Variants in RAPGEF6 observed in about 807,000 individuals in gnomAD.
RAPGEF6 encodes PDZ domain containing guanine nucleotide exchange factor (GEF) 2.
Under a neutral mutation model 171.4 loss-of-function variants are expected in RAPGEF6, and 56 were observed. That is an observed-to-expected ratio of 0.33 (90% CI 0.26 to 0.41). The LOEUF (loss-of-function observed/expected upper bound fraction) is 0.41, where lower values mean the gene tolerates loss of function less well. Ranked by LOEUF, RAPGEF6 falls within the 10% of genes least tolerant of loss-of-function variation. The probability of loss-of-function intolerance (pLI) is 1.00; values close to 1 mark genes in which losing one functional copy is unlikely to be tolerated. For missense variants in RAPGEF6, 1,674 were observed against 1,921.4 expected, an observed-to-expected ratio of 0.87 and a Z score of 2.41; for synonymous variants, 692 against 650.1, an observed-to-expected ratio of 1.06 and a Z score of -0.98.
At chr5:131,517,282 T>C (rs1561528968) in intron 7 of RAPGEF6, among the ~76,000 whole-genome samples, 8 of 152,086 alleles carry the variant, frequency 5.3e-5, no homozygotes, top group Admixed American at 5.2e-4. Flanking sequence ...GTTGAAATTA[T>C]TTTTAAAAAT....
intron 6 of RAPGEF6, among the ~76,000 whole-genome samples, chr5:131,543,617 A>G (rs1347612601): frequency 6.6e-6 from 1 of 152,214 alleles, no homozygotes; most frequent in Admixed American, 6.5e-5. Context: ...TAAGACAGGC[A>G]AACCCGGTAT....
At chr5:131,568,586 T>C (rs942517596) in intron 4 of RAPGEF6, among the ~76,000 whole-genome samples, 3 of 152,160 alleles carry the variant, frequency 2.0e-5, no homozygotes, top group African/African-American at 7.2e-5. Flanking sequence ...CTCAAACCAC[T>C]GGTATTACAG....
At chr5:131,486,933 C>T (rs1755933774) in intron 15 of RAPGEF6, among the ~76,000 whole-genome samples, 1 of 152,094 alleles carries the variant, frequency 6.6e-6, no homozygotes. Context: ...CTCTACCACA[C>T]CCTCTCAATG....
At chr5:131,496,115 G>A (rs1333414296) in intron 12 of RAPGEF6, among the ~76,000 whole-genome samples, 1 of 152,180 alleles carries the variant, frequency 6.6e-6, no homozygotes, top group Non-Finnish European at 1.5e-5. Context: ...CTGAAGCAAG[G>A]AGGATCCCTT....
At chr5:131,458,804 C>T (rs920471002) in intron 19 of RAPGEF6, among the ~76,000 whole-genome samples, 1 of 152,118 alleles carries the variant, frequency 6.6e-6, no homozygotes, top group African/African-American at 2.4e-5. Flanking sequence ...CAAGCATGTG[C>T]CACCATACCT....
intron 7 of RAPGEF6, among the ~76,000 whole-genome samples, chr5:131,518,446 G>T (rs146217992): frequency 0.018 from 2,760 of 149,466 alleles, 87 homozygotes; most frequent in African/African-American, 0.064. Flanking sequence ...TGCCCAGGCT[G>T]GAGTGCAATG....
At chr5:131,477,555 A>C (rs1003092196) in intron 16 of RAPGEF6, among the ~76,000 whole-genome samples, 5 of 152,138 alleles carry the variant, frequency 3.3e-5, no homozygotes, top group Admixed American at 6.5e-5. Flanking sequence ...TCAGTTTTAC[A>C]CCTCTTGCTG....
intron 18 of RAPGEF6, among the ~76,000 whole-genome samples, chr5:131,462,556 GAAGC>G (rs1754009136): frequency 6.6e-6 from 1 of 152,184 alleles, no homozygotes; most frequent in South Asian, 2.1e-4. Context: ...ATTTCCAAGT[GAAGC>G]AAGAGGAATG....
chr5:131,576,361 G>A (rs781108464), intron 4 of RAPGEF6, among the ~76,000 whole-genome samples: 1 of 152,050 alleles, frequency 6.6e-6, no homozygotes, highest in Non-Finnish European at 1.5e-5. Context: ...CTTTAACCCG[G>A]GCTCTCACCC....
intron 9 of RAPGEF6, 130 bp downstream of exon 9, chr5:131,507,941 G>T: frequency 1.2e-6 from 1 of 849,112 alleles, no homozygotes; most frequent in Non-Finnish European, 1.7e-6. Flanking sequence ...ACTCAAACTT[G>T]GCATTTATTT....
chr5:131,633,838 T>A (rs1766465525), intron 1 of RAPGEF6, among the ~76,000 whole-genome samples: 1 of 152,248 alleles, frequency 6.6e-6, no homozygotes, highest in South Asian at 2.1e-4. Context: ...ATAATTCGCC[T>A]ACTGAAATTC....
intron 14 of RAPGEF6, among the ~76,000 whole-genome samples, chr5:131,491,302 C>T (rs1270405088): frequency 6.6e-6 from 1 of 152,180 alleles, no homozygotes; most frequent in Non-Finnish European, 1.5e-5. Context: ...TATCTGCAGA[C>T]ATTGCCACTA....
chr5:131,568,287 A>G (rs1456653339), intron 4 of RAPGEF6, among the ~76,000 whole-genome samples: 4 of 151,184 alleles, frequency 2.6e-5, no homozygotes, highest in African/African-American at 9.7e-5. Context: ...ATTTTTGTTT[A>G]GTATCCCATT....
intron 13 of RAPGEF6, among the ~76,000 whole-genome samples, chr5:131,493,213 C>T (rs31255): frequency 0.57 from 86,490 of 151,794 alleles, 29,020 homozygotes; most frequent in Non-Finnish European, 0.76. Flanking sequence ...TACAGGCGCC[C>T]GCCACCATGC....
chr5:131,523,039 T>C (rs1010108159), intron 6 of RAPGEF6, among the ~76,000 whole-genome samples: 2 of 152,086 alleles, frequency 1.3e-5, no homozygotes, highest in Non-Finnish European at 2.9e-5. Flanking sequence ...TTTTCACATA[T>C]ACAACATCCA....
intron 3 of RAPGEF6, among the ~76,000 whole-genome samples, chr5:131,601,385 C>CAA (rs758602740): frequency 1.5e-4 from 8 of 54,174 alleles, no homozygotes; most frequent in Non-Finnish European, 2.3e-4. Context: ...GACTCCGTCT[C>CAA]AAAAAAAAAA....
chr5:131,563,030 C>T (rs749038106), intron 4 of RAPGEF6, among the ~76,000 whole-genome samples: 6 of 151,042 alleles, frequency 4.0e-5, no homozygotes, highest in Non-Finnish European at 5.9e-5. Context: ...GATAGGTTTC[C>T]ATTTTAAAAG....
chr5:131,571,349 G>A (rs1482147131), intron 4 of RAPGEF6, among the ~76,000 whole-genome samples: 1 of 152,008 alleles, frequency 6.6e-6, no homozygotes, highest in African/African-American at 2.4e-5. Flanking sequence ...GAAATAAAAG[G>A]CATTCAGATC....
At chr5:131,595,178 C>T (rs1480736801) in intron 3 of RAPGEF6, among the ~76,000 whole-genome samples, 3 of 152,066 alleles carry the variant, frequency 2.0e-5, no homozygotes, top group Non-Finnish European at 2.9e-5. Context: ...TGGTGGGAGG[C>T]GACTGGATCA....
Sources: allele counts gnomAD v4.1 joint callset (sites outside exome capture counted in the v4.1 genomes callset), GRCh38; gene constraint gnomAD v4.1.1; transcripts MANE v1.5; gene names NCBI Gene and HGNC (gene_info 2026-07-23, HGNC 2026-07-21).